SLC25A12: variants seen among roughly 807,000 people sequenced by gnomAD.
SLC25A12 encodes the protein solute carrier family 25 member 12.
In SLC25A12, 32 loss-of-function variants were observed where a neutral mutation model predicts 83.3. The observed-to-expected ratio is 0.38, with a 90% CI of 0.29 to 0.52. The LOEUF (loss-of-function observed/expected upper bound fraction) is 0.52. Among genes scored for constraint, SLC25A12 ranks in the 20% least tolerant of loss-of-function variants. The pLI is 0.84. For missense variants in SLC25A12, 611 were observed against 835.6 expected, an observed-to-expected ratio of 0.73 and a Z score of 3.31; for synonymous variants, 267 against 291.1, an observed-to-expected ratio of 0.92 and a Z score of 0.84.
At chr2:171,867,381 A>T (rs1363776964) in intron 3 of SLC25A12, among the ~76,000 whole-genome samples, 2 of 151,804 alleles carry the variant, frequency 1.3e-5, no homozygotes, top group Non-Finnish European at 2.9e-5. Flanking sequence ...CTGCAATCCC[A>T]GCACCTCGGG....
intron 4 of SLC25A12, among the ~76,000 whole-genome samples, chr2:171,855,335 T>A (rs1017699148): frequency 1.3e-5 from 2 of 151,288 alleles, no homozygotes; most frequent in Non-Finnish European, 2.9e-5. Flanking sequence ...TATTCTAGCC[T>A]CTTTCCTAAA....
chr2:171,787,022 C>T (rs1690501495), intron 17 of SLC25A12, among the ~76,000 whole-genome samples: 1 of 152,198 alleles, frequency 6.6e-6, no homozygotes, highest in Non-Finnish European at 1.5e-5. Flanking sequence ...TGAAAAAAGA[C>T]AATTATTTAC....
At chr2:171,834,649 G>A in intron 7 of SLC25A12, 78 bp downstream of exon 7, 1 of 1,491,380 alleles carries the variant, frequency 6.7e-7, no homozygotes, top group Non-Finnish European at 9.3e-7. Context: ...AGAGTGGTAA[G>A]CTTAGATCAA....
At chr2:171,868,916 G>A in intron 2 of SLC25A12, 93 bp from the exon 3 acceptor site, 1 of 1,075,584 alleles carries the variant, frequency 9.3e-7, no homozygotes, top group Non-Finnish European at 1.4e-6. Flanking sequence ...TTAAAGGCCA[G>A]TATTAAAATC....
chr2:171,846,287 G>A (rs1684796877), intron 4 of SLC25A12, among the ~76,000 whole-genome samples: 1 of 151,912 alleles, frequency 6.6e-6, no homozygotes, highest in Non-Finnish European at 1.5e-5. Flanking sequence ...AATTATTAAA[G>A]GGAATAGTTA....
At chr2:171,790,691 A>G (rs545849230) in intron 15 of SLC25A12, among the ~76,000 whole-genome samples, 6 of 152,222 alleles carry the variant, frequency 3.9e-5, no homozygotes, top group African/African-American at 1.4e-4. Context: ...AATTATGCAA[A>G]TAACTATTAA....
chr2:171,821,498 G>A (rs147168934), intron 9 of SLC25A12, among the ~76,000 whole-genome samples: 151 of 152,262 alleles, frequency 9.9e-4, no homozygotes, highest in Middle Eastern at 3.4e-3. Flanking sequence ...AACAACACTT[G>A]CCATTGTCAG....
At chr2:171,856,949 T>C (rs1460465826) in intron 3 of SLC25A12, among the ~76,000 whole-genome samples, 1 of 152,136 alleles carries the variant, frequency 6.6e-6, no homozygotes, top group East Asian at 1.9e-4. Context: ...TTCAAAATAA[T>C]CCAGAGGATG....
chr2:171,790,648 T>A (rs190335532), intron 15 of SLC25A12, among the ~76,000 whole-genome samples: 1 of 152,302 alleles, frequency 6.6e-6, no homozygotes, highest in East Asian at 1.9e-4. Flanking sequence ...ACTCTTGCCC[T>A]CAAGAAGCTA....
chr2:171,880,199 T>C (rs1435775422), intron 2 of SLC25A12, among the ~76,000 whole-genome samples: 2 of 152,236 alleles, frequency 1.3e-5, no homozygotes, highest in Non-Finnish European at 2.9e-5. Context: ...TGATTCATTA[T>C]ACCATTTTCT....
intron 2 of SLC25A12, among the ~76,000 whole-genome samples, chr2:171,877,998 T>C (rs556099880): frequency 7.2e-5 from 11 of 152,316 alleles, no homozygotes; most frequent in African/African-American, 2.4e-4. Flanking sequence ...TTTTGAAGTA[T>C]GCACATCAAA....
At chr2:171,829,153 ATTTT>A (rs1309423928) in intron 8 of SLC25A12, among the ~76,000 whole-genome samples, 1 of 152,080 alleles carries the variant, frequency 6.6e-6, no homozygotes, top group African/African-American at 2.4e-5. Context: ...AAAACATCTG[ATTTT>A]TTTTAACCAT....
chr2:171,849,541 G>A (rs1001495329), intron 4 of SLC25A12, among the ~76,000 whole-genome samples: 2 of 148,822 alleles, frequency 1.3e-5, no homozygotes, highest in Non-Finnish European at 3.0e-5. Flanking sequence ...CACGCAGGCT[G>A]AAGTCAGTGG....
rs561329545 is a variant in SLC25A12, at chr2:171,791,814, G to A, written c.1447-225C>T. Among the ~76,000 whole-genome samples, 5 of 152,240 alleles carry A rather than the reference G, an allele frequency of 3.3e-5. No homozygotes were observed. The East Asian group carries it at 9.6e-4, about 29-fold the overall frequency. ...ATATCTCAAAGCTTGTGAAAGCATG[G>A]TGAATCCTGCAGTCCTAGAGTTAAT... On this transcript the variant is annotated intron_variant, in intron 14 of 17. Transcript: ENST00000422440.
intron 8 of SLC25A12, among the ~76,000 whole-genome samples, chr2:171,830,326 T>C (rs1405878132): frequency 6.6e-6 from 1 of 152,232 alleles, no homozygotes; most frequent in Non-Finnish European, 1.5e-5. Context: ...ACACTGCTGA[T>C]ATATGTAAGA....
intron 13 of SLC25A12, among the ~76,000 whole-genome samples, chr2:171,797,056 C>A (rs1299624108): frequency 6.6e-6 from 1 of 152,172 alleles, no homozygotes; most frequent in Non-Finnish European, 1.5e-5. Flanking sequence ...TACCATATTT[C>A]TTCTAAGACT....
intron 4 of SLC25A12, among the ~76,000 whole-genome samples, chr2:171,846,814 A>T (rs183773292): frequency 1.3e-5 from 2 of 152,310 alleles, no homozygotes; most frequent in African/African-American, 4.8e-5. Flanking sequence ...TCGAAAAAAA[A>T]GTTTCTATTA....
chr2:171,837,332 A>G lies in SLC25A12; in HGVS notation c.466-65T>C, dbSNP rs2105889041. 1.2e-5 allele frequency: 18 copies of G among 1,545,104 alleles called. No homozygotes were observed. In the South Asian group the frequency reaches 2.0e-4, roughly 17 times the overall value. ...CACATTCCAAGTACATGGTTTGGAA[A>G]GGAAGGAAGGACAGATATCCTTCCC... On this transcript the variant is annotated intron_variant, in intron 5 of 17. Coordinates refer to ENST00000422440, the MANE Select transcript of SLC25A12 (RefSeq NM_003705.5).
chr2:171,864,345 C>G (rs944182604), intron 3 of SLC25A12, among the ~76,000 whole-genome samples: 2 of 152,166 alleles, frequency 1.3e-5, no homozygotes, highest in Non-Finnish European at 2.9e-5. Context: ...CATAATACAG[C>G]CATATATGAT....
Sources: allele counts gnomAD v4.1 joint callset (sites outside exome capture counted in the v4.1 genomes callset), GRCh38; gene constraint gnomAD v4.1.1; transcripts MANE v1.5; gene names NCBI Gene and HGNC (gene_info 2026-07-23, HGNC 2026-07-21).